The following CTDP1 variants were observed in gnomAD, a reference collection of about 807,000 sequenced individuals.
CTDP1 encodes the protein RNA polymerase II subunit A C-terminal domain phosphatase.
Under a neutral mutation model 91.8 loss-of-function variants are expected in CTDP1, and 47 were observed. The ratio of observed to expected loss-of-function variants is 0.51; its 90% CI spans 0.41 to 0.65. The LOEUF (loss-of-function observed/expected upper bound fraction) is 0.65, where lower values mean the gene tolerates loss of function less well. CTDP1 is among the 30% of genes least tolerant of loss of function. The probability of loss-of-function intolerance (pLI) is 0.00; values close to 1 mark genes in which losing one functional copy is unlikely to be tolerated. For missense variants in CTDP1, 1,272 were observed against 1,373.7 expected, an observed-to-expected ratio of 0.93 and a Z score of 1.17; for synonymous variants, 656 against 598.5, an observed-to-expected ratio of 1.10 and a Z score of -1.40.
Position 79,713,046 on chromosome 18 carries a change from A to G in CTDP1, c.938A>G (p.Asn313Ser), listed in dbSNP as rs781044506. The G allele has an allele frequency of 3.1e-6, 5 of 1,614,136 alleles. No homozygotes were observed. The highest frequency in any genetic ancestry group is 2.2e-5 in the South Asian group (2 of 91,072). The change falls in exon 7 of 13, where the codon AAT (asparagine) becomes AGT (serine). Residue 313 changes from asparagine to serine, a missense_variant. Physicochemically the swap from Asn to Ser is conservative, Grantham distance 46. Coordinates refer to ENST00000613122, the MANE Select transcript of CTDP1 (RefSeq NM_004715.5). The surrounding 1 kb of genome is among the most constrained non-coding windows in gnomAD (Gnocchi z 4.7). ...DREDVWKFAP[N>S]LITVKKYVYF... ...GAAGATGTCTGGAAGTTTGCCCCCA[A>G]TCTGATAACTGTGAAGAAATATGTA... is the stretch of plus-strand genomic sequence containing the variant.
chr18:79,750,740 C>T (rs2086981373), intron 12 of CTDP1, among the ~76,000 whole-genome samples: 1 of 148,346 alleles, frequency 6.7e-6, no homozygotes, highest in Admixed American at 6.8e-5. Context: ...TCTTGAACTC[C>T]TGACCTCAGG....
At chr18:79,742,493 G>C (rs890376277) in intron 12 of CTDP1, among the ~76,000 whole-genome samples, 3 of 152,234 alleles carry the variant, frequency 2.0e-5, no homozygotes, top group African/African-American at 7.2e-5. Flanking sequence ...CACCTTACAA[G>C]AAGTTCTAAA....
Position 79,720,579 on chromosome 18 carries a change from G to C in CTDP1, c.2417+2563G>C, listed in dbSNP as rs554434355. ...ATGTCACCTCCCATCGTGTCCTGGTGATGTCACTTCCCATCGTGTTCTGGT... is the reference window on the plus strand; with the variant it reads ...ATGTCACCTCCCATCGTGTCCTGGTCATGTCACTTCCCATCGTGTTCTGGT... On this transcript the variant is annotated intron_variant, in intron 10 of 12. Coordinates refer to ENST00000613122, the MANE Select transcript of CTDP1 (RefSeq NM_004715.5). Among the ~76,000 whole-genome samples the C allele has an allele frequency of 7.4e-4, 113 of 152,340 alleles. 2 individuals carry two copies. Among genetic ancestry groups the C allele is most frequent in the African/African-American group, 2.6e-3 (107 of 41,580 alleles).
chr18:79,682,775 A>T (rs2085401732), intron 1 of CTDP1, among the ~76,000 whole-genome samples: 1 of 152,172 alleles, frequency 6.6e-6, no homozygotes, highest in Non-Finnish European at 1.5e-5. Context: ...GTCCCCCGTG[A>T]GAATGAGGGA....
chr18:79,741,186 C>T (rs985033035), intron 12 of CTDP1, among the ~76,000 whole-genome samples: 4 of 148,246 alleles, frequency 2.7e-5, no homozygotes, highest in East Asian at 2.0e-4. Flanking sequence ...GTGAGGTCCC[C>T]GTGCGGTTGA....
intron 7 of CTDP1, among the ~76,000 whole-genome samples, 173 bp from the exon 8 acceptor site, chr18:79,714,318 C>G (rs1200992371): frequency 6.6e-6 from 1 of 152,224 alleles, no homozygotes; most frequent in Non-Finnish European, 1.5e-5. Context: ...GTCCCACGCA[C>G]TTCAGGTAAG....
intron 12 of CTDP1, among the ~76,000 whole-genome samples, chr18:79,743,539 A>AAC (rs1555685203): frequency 2.7e-5 from 4 of 150,874 alleles, no homozygotes; most frequent in African/African-American, 7.3e-5. Flanking sequence ...AAAAAAAAAA[A>AAC]AAAAACAGTG....
chr18:79,699,026 C>T (rs895340709), intron 4 of CTDP1, among the ~76,000 whole-genome samples: 1 of 152,116 alleles, frequency 6.6e-6, no homozygotes, highest in Admixed American at 6.5e-5. Flanking sequence ...CAAACTCTCG[C>T]GTTTTATGCT....
At chr18:79,742,927 G>T (rs935892779) in intron 12 of CTDP1, among the ~76,000 whole-genome samples, 1 of 152,186 alleles carries the variant, frequency 6.6e-6, no homozygotes, top group African/African-American at 2.4e-5. Context: ...CTGCACTCCC[G>T]CCTGGGCCAC....
intron 12 of CTDP1, among the ~76,000 whole-genome samples, chr18:79,741,116 A>G (rs1362253791): frequency 1.4e-5 from 2 of 143,058 alleles, no homozygotes; most frequent in Non-Finnish European, 3.0e-5. Context: ...CGTGTGGTTG[A>G]TCTGTCCCTG....
chr18:79,695,318 C>A lies in CTDP1; in HGVS notation c.398+10C>A. On this transcript the variant is annotated intron_variant, in intron 2 of 12. Transcript: ENST00000613122. ...GCCAAGACCTCACCCAGTAAGTATCCGGAAGAGTGAGATCGCTGCCTGCTG... is the reference window on the plus strand; with the variant it reads ...GCCAAGACCTCACCCAGTAAGTATCAGGAAGAGTGAGATCGCTGCCTGCTG... The A allele has an allele frequency of 6.2e-7, 1 of 1,613,536 alleles. No homozygotes were observed. The highest frequency in any genetic ancestry group is 8.5e-7 in the Non-Finnish European group (1 of 1,179,542).
At chr18:79,722,499 C>T (rs935798172) in intron 10 of CTDP1, among the ~76,000 whole-genome samples, 6 of 152,144 alleles carry the variant, frequency 3.9e-5, no homozygotes, top group African/African-American at 9.7e-5. Flanking sequence ...CTCATTTATA[C>T]GAAAGGATGT....
At chr18:79,694,217 CAGG>C (rs2085689918) in intron 1 of CTDP1, among the ~76,000 whole-genome samples, 7 of 139,126 alleles carry the variant, frequency 5.0e-5, no homozygotes, top group African/African-American at 2.0e-4. Context: ...GTCTGCAGGG[CAGG>C]GTGGTCGGAG....
At chr18:79,716,193 T>C (rs2086205068) in intron 8 of CTDP1, among the ~76,000 whole-genome samples, 1 of 152,216 alleles carries the variant, frequency 6.6e-6, no homozygotes, top group South Asian at 2.1e-4. Flanking sequence ...GCGGTTTTTC[T>C]CCTCCAATCT....
intron 11 of CTDP1, among the ~76,000 whole-genome samples, chr18:79,731,070 C>T (rs34583578): frequency 0.3 from 46,241 of 152,098 alleles, 8,345 homozygotes; most frequent in East Asian, 0.41. Context: ...CCTGCACCCC[C>T]CCGTGGGCCT....
At chr18:79,750,818 C>T (rs1444265316) in intron 12 of CTDP1, among the ~76,000 whole-genome samples, 1 of 151,852 alleles carries the variant, frequency 6.6e-6, no homozygotes, top group East Asian at 1.9e-4. Flanking sequence ...CCTGCCTACT[C>T]CGCTTTTAAA....
Position 79,715,050 on chromosome 18 carries a change from G to A in CTDP1, c.1590G>A (p.Leu530=). 6.2e-7 allele frequency: 1 copy of A among 1,610,356 alleles called. No homozygotes were observed. Among genetic ancestry groups the A allele is most frequent in the Non-Finnish European group, 8.5e-7 (1 of 1,178,902 alleles). ...GAHAPDKEPE[L]GGQEEGERDG... ...ATGCCCCGGACAAGGAGCCTGAGCT[G>A]GGTGGGCAGGAGGAGGGCGAGCGGG... Residue 530 remains leucine (L), a synonymous_variant, in exon 8 of 13, where the codon CTG becomes CTA. Transcript: ENST00000613122.
At chr18:79,747,690 C>A (rs1422813597) in intron 12 of CTDP1, among the ~76,000 whole-genome samples, 1 of 152,252 alleles carries the variant, frequency 6.6e-6, no homozygotes, top group Non-Finnish European at 1.5e-5. Flanking sequence ...TGCGCAGCGC[C>A]TCCTGCAGGT....
At chr18:79,696,853 G>A (rs1013241825) in intron 3 of CTDP1, among the ~76,000 whole-genome samples, 6 of 152,300 alleles carry the variant, frequency 3.9e-5, no homozygotes, top group African/African-American at 1.4e-4. Context: ...CCCCGACCTC[G>A]CTTCACCCCG....
Sources: allele counts gnomAD v4.1 joint callset (sites outside exome capture counted in the v4.1 genomes callset), GRCh38; gene constraint gnomAD v4.1.1; non-coding constraint Gnocchi (gnomAD v3.1); transcripts MANE v1.5; gene names NCBI Gene and HGNC (gene_info 2026-07-23, HGNC 2026-07-21).